PCDH15: variants seen among roughly 807,000 people sequenced by gnomAD.
The protein encoded by PCDH15 is protocadherin-15.
In PCDH15, 129 loss-of-function variants were observed where a neutral mutation model predicts 178.5. The ratio of observed to expected loss-of-function variants is 0.72; its 90% CI spans 0.63 to 0.84. PCDH15 has a LOEUF of 0.84. PCDH15 is among the 40% of genes least tolerant of loss of function. PCDH15 has a pLI of 0.00. For synonymous variants in PCDH15, 800 were observed against 732.0 expected, an observed-to-expected ratio of 1.09 and a Z score of -1.50; for missense variants, 2,230 against 2,099.9, an observed-to-expected ratio of 1.06 and a Z score of -1.21.
At position 54,551,055 on chromosome 10, in the gene PCDH15, CGAGGCAGGAGAATCTCCTGTACCTGG is replaced by C. The variant is rs559764421; in HGVS notation, c.92-23204_92-23179del. ...TCTGTAATCTCAGGACTAGAGTGGA[CGAGGCAGGAGAATCTCCTGTACCTGG>C]GAGGCAGAGGTTGCAGTGAGCTGAG... On this transcript the variant is annotated intron_variant, in intron 2 of 37. Transcript: ENST00000644397. Among the ~76,000 whole-genome samples the C allele has an allele frequency of 1.7e-3, 244 of 144,130 alleles. 1 individual carries two copies. The highest frequency in any genetic ancestry group is 6.0e-3 in the African/African-American group (234 of 39,012). 94.6% of individuals were successfully genotyped at this position (144,130 alleles called of 152,430 possible). A position where few individuals can be genotyped will look rare whatever the true frequency, so the allele number is the denominator to read the frequency against.
intron 3 of PCDH15, among the ~76,000 whole-genome samples, chr10:54,836,393 A>T (rs1439561824): frequency 6.6e-6 from 1 of 152,102 alleles, no homozygotes; most frequent in African/African-American, 2.4e-5. Context: ...ACACACCCAC[A>T]CCCACACTCA....
intron 2 of PCDH15, among the ~76,000 whole-genome samples, chr10:55,453,703 C>T: frequency 6.6e-6 from 1 of 152,208 alleles, no homozygotes; most frequent in Non-Finnish European, 1.5e-5. Context: ...CTATAGGGCC[C>T]TTTCCACAAG....
chr10:54,388,982 G>A (rs1277165858), intron 3 of PCDH15, among the ~76,000 whole-genome samples: 1 of 152,116 alleles, frequency 6.6e-6, no homozygotes, highest in Non-Finnish European at 1.5e-5. Context: ...AGCAACAGAA[G>A]TAACCAGATT....
intron 8 of PCDH15, among the ~76,000 whole-genome samples, chr10:54,315,753 C>T: frequency 6.6e-6 from 1 of 151,966 alleles, no homozygotes; most frequent in Non-Finnish European, 1.5e-5. Flanking sequence ...ATATGGCTAG[C>T]CAGTTCTCCC....
chr10:54,584,283 C>T (rs1165020802), intron 2 of PCDH15, among the ~76,000 whole-genome samples: 1 of 151,842 alleles, frequency 6.6e-6, no homozygotes, highest in East Asian at 1.9e-4. Context: ...AGTCCTAGAC[C>T]CTTGAGAGAC....
intron 2 of PCDH15, among the ~76,000 whole-genome samples, chr10:55,504,619 G>A (rs1448866541): frequency 2.7e-5 from 4 of 150,662 alleles, no homozygotes; most frequent in Non-Finnish European, 5.9e-5. Flanking sequence ...TCAACAACTA[G>A]AATGAAAAGA....
chr10:55,564,701 T>C (rs1286051899), intron 2 of PCDH15, among the ~76,000 whole-genome samples: 1 of 151,550 alleles, frequency 6.6e-6, no homozygotes, highest in African/African-American at 2.4e-5. Context: ...ATAAGAGTAC[T>C]GGGGTGGTTA....
At chr10:54,281,044 T>C (rs1294578900) in intron 8 of PCDH15, among the ~76,000 whole-genome samples, 2 of 151,974 alleles carry the variant, frequency 1.3e-5, no homozygotes, top group African/African-American at 4.8e-5. Context: ...CACACATATA[T>C]ATTCATAAAT....
chr10:54,555,253 A>G (rs767581762), intron 2 of PCDH15, among the ~76,000 whole-genome samples: 4 of 152,164 alleles, frequency 2.6e-5, no homozygotes, highest in African/African-American at 4.8e-5. Context: ...TATTTAGGAG[A>G]TGAGTATTTG....
At chr10:54,105,353 CACAT>C (rs1354138696) in intron 15 of PCDH15, among the ~76,000 whole-genome samples, 1 of 147,568 alleles carries the variant, frequency 6.8e-6, no homozygotes, top group East Asian at 2.1e-4. Context: ...CACACACACA[CACAT>C]ACACAAAACT....
At chr10:54,707,140 C>A (rs1348168820) in intron 1 of PCDH15, among the ~76,000 whole-genome samples, 1 of 152,158 alleles carries the variant, frequency 6.6e-6, no homozygotes, top group East Asian at 1.9e-4. Context: ...CCATGGACTA[C>A]TTACCTAAGC....
At chr10:54,724,031 T>C (rs68025769) in intron 1 of PCDH15, among the ~76,000 whole-genome samples, 18,463 of 149,792 alleles carry the variant, frequency 0.12, 1,251 homozygotes, top group African/African-American at 0.17. Flanking sequence ...AGCAATCTCA[T>C]CCCTGAGTAT....
chr10:53,940,992 G>A lies in PCDH15; in HGVS notation c.3123-17C>T, dbSNP rs778505665. The A allele has an allele frequency of 6.7e-7, 1 of 1,484,668 alleles. No homozygotes were observed. The highest frequency in any genetic ancestry group is 9.4e-7 in the Non-Finnish European group (1 of 1,062,842). The allele number at this position is 1,484,668 out of a possible 1,614,324, so 92.0% of individuals were successfully genotyped here. A position where few individuals can be genotyped will look rare whatever the true frequency, so the allele number is the denominator to read the frequency against. On this transcript the variant is annotated splice_polypyrimidine_tract_variant and intron_variant, in intron 23 of 37. Transcript: ENST00000644397. The stretch of plus-strand genomic sequence containing the variant: ...GGAGGAGGTCTGCAGGTTTAGAGAA[G>A]ATGATGTATTTATTTTTAAATATAA...
chr10:54,514,916 G>A (rs189295829), intron 3 of PCDH15, among the ~76,000 whole-genome samples: 7 of 152,288 alleles, frequency 4.6e-5, no homozygotes, highest in East Asian at 1.9e-4. Context: ...CTTACTCATC[G>A]AAAAGAAATT....
At chr10:53,811,870 T>C (rs886693531) in intron 35 of PCDH15, among the ~76,000 whole-genome samples, 2 of 152,230 alleles carry the variant, frequency 1.3e-5, no homozygotes, top group African/African-American at 4.8e-5. Flanking sequence ...GAGGAAAAAG[T>C]AATTTTTTTC....
chr10:55,283,118 A>G (rs1842774428), intron 1 of PCDH15, among the ~76,000 whole-genome samples: 1 of 152,142 alleles, frequency 6.6e-6, no homozygotes, highest in African/African-American at 2.4e-5. Context: ...AAACCTCCCT[A>G]AATTGCTCCT....
chr10:54,961,645 G>A (rs919810227), intron 2 of PCDH15, among the ~76,000 whole-genome samples: 15 of 152,184 alleles, frequency 9.9e-5, no homozygotes, highest in Non-Finnish European at 2.2e-4. Context: ...GCTGGAAGGA[G>A]CTACCCACTT....
At chr10:54,611,800 G>C (rs1340905952) in intron 2 of PCDH15, among the ~76,000 whole-genome samples, 1 of 151,826 alleles carries the variant, frequency 6.6e-6, no homozygotes, top group African/African-American at 2.4e-5. Flanking sequence ...ATCTGTCTAA[G>C]TCAGTCTTCC....
chr10:55,622,042 T>A (rs1338627520), intron 2 of PCDH15, among the ~76,000 whole-genome samples: 9 of 141,296 alleles, frequency 6.4e-5, no homozygotes, highest in Admixed American at 1.5e-4. Flanking sequence ...ATATATAATA[T>A]ATATATAAAT....
Sources: allele counts gnomAD v4.1 joint callset (sites outside exome capture counted in the v4.1 genomes callset), GRCh38; gene constraint gnomAD v4.1.1; transcripts MANE v1.5; gene names NCBI Gene and HGNC (gene_info 2026-07-23, HGNC 2026-07-21).